The following MEGF9 variants were observed in gnomAD, a reference collection of about 807,000 sequenced individuals.
The protein encoded by MEGF9 is multiple EGF like domains 9.
Under a neutral mutation model 46.8 loss-of-function variants are expected in MEGF9, and 6 were observed. The observed-to-expected ratio is 0.13, with a 90% CI of 0.07 to 0.25. The LOEUF (loss-of-function observed/expected upper bound fraction) is 0.25. Ranked by LOEUF, MEGF9 falls within the 10% of genes least tolerant of loss-of-function variation. The pLI, the probability that MEGF9 is intolerant of heterozygous loss-of-function variation, is 1.00. For missense variants in MEGF9, 683 were observed against 792.4 expected (o/e 0.86, Z 1.66); for synonymous variants, 302 against 330.7 (o/e 0.91, Z 0.94).
At chr9:120,650,940 C>T (rs962346342) in intron 2 of MEGF9, among the ~76,000 whole-genome samples, 1 of 152,028 alleles carries the variant, frequency 6.6e-6, no homozygotes, top group South Asian at 2.1e-4. Context: ...TACTCCTGTT[C>T]TTTTTCTACT....
At chr9:120,606,751 A>G (rs150756171) in intron 5 of MEGF9, among the ~76,000 whole-genome samples, 1 of 152,328 alleles carries the variant, frequency 6.6e-6, no homozygotes, top group East Asian at 1.9e-4. Context: ...CAGCATTATC[A>G]CATTTAATGC....
chr9:120,658,228 C>G (rs1216691073), intron 2 of MEGF9, among the ~76,000 whole-genome samples: 7 of 152,156 alleles, frequency 4.6e-5, no homozygotes, highest in Admixed American at 3.3e-4. Context: ...CTCAAGTGAT[C>G]CACCCGCCTT....
At chr9:120,689,341 T>C (rs1287585991) in intron 1 of MEGF9, among the ~76,000 whole-genome samples, 2 of 152,082 alleles carry the variant, frequency 1.3e-5, no homozygotes, top group Non-Finnish European at 2.9e-5. Flanking sequence ...CTGGAAAAAG[T>C]GCATTGTGGC....
intron 2 of MEGF9, among the ~76,000 whole-genome samples, chr9:120,625,791 G>A (rs1463257668): frequency 2.9e-5 from 4 of 136,234 alleles, no homozygotes; most frequent in African/African-American, 5.7e-5. Context: ...CCAAGATTGC[G>A]CCACTGCACT....
At chr9:120,628,386 A>AAAC (rs1258674053) in intron 2 of MEGF9, among the ~76,000 whole-genome samples, 1 of 151,938 alleles carries the variant, frequency 6.6e-6, no homozygotes, top group Non-Finnish European at 1.5e-5. Flanking sequence ...CTATTATGCT[A>AAAC]AACATTCCTT....
chr9:120,656,421 C>T (rs2043676939), intron 2 of MEGF9, among the ~76,000 whole-genome samples: 1 of 151,852 alleles, frequency 6.6e-6, no homozygotes, highest in African/African-American at 2.4e-5. Flanking sequence ...GTGGCGGGTG[C>T]CTGTAGTCCC....
intron 3 of MEGF9, among the ~76,000 whole-genome samples, chr9:120,620,621 T>C (rs867122584): frequency 3.3e-5 from 5 of 152,276 alleles, no homozygotes; most frequent in Admixed American, 6.5e-5. Flanking sequence ...TGGCCTTTAA[T>C]TGACGACTCG....
intron 2 of MEGF9, among the ~76,000 whole-genome samples, chr9:120,630,582 C>T (rs149590521): frequency 1.3e-3 from 193 of 152,302 alleles, no homozygotes; most frequent in Non-Finnish European, 1.9e-3. Context: ...TGAGGAACTT[C>T]CATACTGTTT....
Position 120,612,452 on chromosome 9 carries a change from T to G in MEGF9, c.1031A>C (p.Lys344Thr). The G allele has an allele frequency of 1.2e-6, 2 of 1,613,760 alleles. No homozygotes were observed. Among genetic ancestry groups the G allele is most frequent in the Non-Finnish European group, 8.5e-7 (1 of 1,179,712 alleles). The change falls in exon 4 of 6, where the codon AAA becomes ACA. Residue 344 changes from lysine to threonine, a missense_variant. Lys to Thr is a moderately conservative substitution (Grantham distance 78). Transcript: ENST00000373930. Reference sequence around the variant, plus strand: ...TGAACAAGGGCAGCGAAGACATTCTTTAGTGGCATCAGGACTCTGATAAAA... The same window carrying G: ...TGAACAAGGGCAGCGAAGACATTCTGTAGTGGCATCAGGACTCTGATAAAA... ...EGFYQSPDATKECLRCPCSAV... is the reference protein window; with the variant it reads ...EGFYQSPDATTECLRCPCSAV...
chr9:120,626,260 A>G (rs572218818), intron 2 of MEGF9, among the ~76,000 whole-genome samples: 218 of 152,364 alleles, frequency 1.4e-3, no homozygotes, highest in African/African-American at 5.1e-3. Context: ...AAAAAAGAAT[A>G]TAGAATTATT....
rs565705988 is a variant in MEGF9 at position 120,602,462 on chromosome 9, A to C, written c.*2728T>G. Reference sequence around the variant, plus strand: ...CACTTTCTGATTGATTTATATTTTAAAGCAAATTATTTCCAGAATCAAAAA... The same window carrying C: ...CACTTTCTGATTGATTTATATTTTACAGCAAATTATTTCCAGAATCAAAAA... On this transcript the variant is annotated 3_prime_UTR_variant, in exon 6 of 6. Transcript: ENST00000373930. The C allele has an allele frequency of 2.0e-5, 3 of 152,758 alleles. No homozygotes were observed. The highest frequency in any genetic ancestry group is 7.2e-5 in the African/African-American group (3 of 41,572). The allele number at this position is 152,758 out of a possible 1,614,324, so 9.5% of individuals were successfully genotyped here. A position where few individuals can be genotyped will look rare whatever the true frequency, so the allele number is the denominator to read the frequency against.
intron 5 of MEGF9, 117 bp downstream of exon 5, chr9:120,607,624 C>G: frequency 9.1e-7 from 1 of 1,094,698 alleles, no homozygotes; most frequent in Non-Finnish European, 1.3e-6. Context: ...AGGCAAATAT[C>G]TATCAAAATC....
intron 1 of MEGF9, among the ~76,000 whole-genome samples, chr9:120,697,866 G>A (rs2043885427): frequency 6.6e-6 from 1 of 151,974 alleles, no homozygotes; most frequent in African/African-American, 2.4e-5. Context: ...GGGAGGATAG[G>A]GGAGGTGAAA....
intron 2 of MEGF9, among the ~76,000 whole-genome samples, chr9:120,626,008 A>ATT (rs2043523897): frequency 2.6e-5 from 4 of 152,094 alleles, no homozygotes; most frequent in African/African-American, 9.7e-5. Context: ...AATGCAATGA[A>ATT]ACCAAAAAAG....
intron 2 of MEGF9, among the ~76,000 whole-genome samples, chr9:120,623,807 T>G (rs1223789133): frequency 1.3e-5 from 2 of 152,202 alleles, no homozygotes; most frequent in African/African-American, 4.8e-5. Flanking sequence ...ATCAGAAAAT[T>G]ATAAAGAACA....
At chr9:120,655,358 C>T (rs979261711) in intron 2 of MEGF9, among the ~76,000 whole-genome samples, 7 of 152,130 alleles carry the variant, frequency 4.6e-5, no homozygotes, top group Admixed American at 2.6e-4. Context: ...AGTTCAGAAA[C>T]ATGCTGTACA....
intron 3 of MEGF9, among the ~76,000 whole-genome samples, chr9:120,618,048 T>G (rs1294523668): frequency 5.9e-5 from 9 of 152,198 alleles, no homozygotes; most frequent in South Asian, 2.1e-4. Context: ...AGTTGGATAT[T>G]TGAGTGTGGA....
chr9:120,611,865 A>AAGAGAGAGAG (rs3983894), intron 4 of MEGF9, among the ~76,000 whole-genome samples: 47 of 137,222 alleles, frequency 3.4e-4, no homozygotes, highest in Middle Eastern at 3.5e-3. Context: ...GGAAGGAAGA[A>AAGAGAGAGAG]AGAGAGAGAG....
chr9:120,711,897 C>G (rs1396195261), intron 1 of MEGF9, among the ~76,000 whole-genome samples: 3 of 149,218 alleles, frequency 2.0e-5, no homozygotes, highest in Non-Finnish European at 4.4e-5. Flanking sequence ...ATAAGCATAG[C>G]TAACACACAC....
Sources: gnomAD v4.1 joint callset for allele counts (sites outside exome capture counted in the v4.1 genomes callset) on GRCh38, gnomAD v4.1.1 for gene constraint, MANE v1.5 for transcripts, NCBI Gene and HGNC (gene_info 2026-07-23, HGNC 2026-07-21) for gene names.